Variants in MGAM observed in about 807,000 individuals in gnomAD.
MGAM encodes the protein maltase-glucoamylase, also known as alpha-1,4-glucosidase.
MGAM carries 253 observed loss-of-function variants against 358.8 expected under a neutral mutation model. That is an observed-to-expected ratio of 0.71 (90% confidence interval 0.64 to 0.78). The LOEUF is 0.78. Among genes scored for constraint, MGAM ranks in the 30% least tolerant of loss-of-function variants. The pLI is 0.00. For missense variants in MGAM, 3,080 were observed against 3,432.6 expected (o/e 0.90, Z 2.57); for synonymous variants, 1,105 against 1,227.1 (o/e 0.90, Z 2.08).
chr7:141,998,371 G>C (rs1217757674), intron 1 of MGAM, among the ~76,000 whole-genome samples: 3 of 152,094 alleles, frequency 2.0e-5, no homozygotes, highest in Non-Finnish European at 4.4e-5. Flanking sequence ...AGCCCCACAT[G>C]CATTAGGTAT....
At position 142,027,619 on chromosome 7, in the gene MGAM, C is replaced by T. The variant is rs781873643; in HGVS notation, c.1105C>T (p.Arg369Trp). 24 of 1,613,182 alleles carry T rather than the reference C, an allele frequency of 1.5e-5. No individual in the cohort carries two copies. The highest frequency in any genetic ancestry group is 1.7e-4 in the Middle Eastern group (1 of 6,052). ...CACATATTTCTTTCAGCTCATTGGG[C>T]GGCCAGCCCTTCCCTCCTACTGGGC... is the stretch of plus-strand genomic sequence containing the variant. Reference protein sequence around the residue: ...VVQEYLELIGRPALPSYWALG... With the variant: ...VVQEYLELIGWPALPSYWALG... The change falls in exon 10 of 71, where the codon CGG (arginine) becomes TGG (tryptophan). Residue 369 changes from arginine to tryptophan, a missense_variant. Physicochemically the swap from Arg to Trp is moderately radical, Grantham distance 101. This residue lies in a region of MGAM where 1,816 missense variants were observed against 1,840.5 expected (regional missense o/e 0.99). Transcript: ENST00000475668.
intron 26 of MGAM, 35 bp from the exon 27 acceptor site, chr7:142,054,719 G>A: frequency 6.2e-7 from 1 of 1,611,446 alleles, no homozygotes; most frequent in Non-Finnish European, 8.5e-7. Context: ...TTCAAGAGTA[G>A]TATTGTTGCC....
intron 21 of MGAM, among the ~76,000 whole-genome samples, chr7:142,045,583 TAC>T (rs1810169292): frequency 7.3e-5 from 8 of 109,872 alleles, no homozygotes; most frequent in Non-Finnish European, 1.3e-4. Flanking sequence ...ATATTATATA[TAC>T]ATACAATATA....
At chr7:142,041,910 TA>T (rs1563144393) in intron 21 of MGAM, among the ~76,000 whole-genome samples, 6 of 69,276 alleles carry the variant, frequency 8.7e-5, no homozygotes, top group African/African-American at 2.3e-4. Flanking sequence ...ATATATTATA[TA>T]TATACGTATA....
chr7:142,054,630 A>G, intron 26 of MGAM, 124 bp from the exon 27 acceptor site: 3 of 1,087,708 alleles, frequency 2.8e-6, no homozygotes, highest in Non-Finnish European at 3.9e-6. Flanking sequence ...ATTAAATCTC[A>G]GATATCATAA....
chr7:142,075,073 C>T (rs540965816), intron 45 of MGAM, among the ~76,000 whole-genome samples: 1 of 146,272 alleles, frequency 6.8e-6, no homozygotes, highest in African/African-American at 2.4e-5. Flanking sequence ...TTTTAGATTC[C>T]ACATATGAGT....
chr7:142,100,274 C>A (rs117480163), intron 67 of MGAM, among the ~76,000 whole-genome samples: 1 of 152,204 alleles, frequency 6.6e-6, no homozygotes, highest in South Asian at 2.1e-4. Context: ...GTACTGTTAC[C>A]ACCATTTCAT....
rs1248970291 is a variant in MGAM, at chr7:142,065,458, G to T, written c.4608G>T (p.Lys1536Asn). The change falls in exon 38 of 71, where the codon AAG (lysine) becomes AAT (asparagine). Residue 1536 changes from lysine (K) to asparagine (N), a missense_variant. Physicochemically the swap from Lys to Asn is moderately conservative, Grantham distance 94 (BLOSUM62 0). Around this residue, in one of 5 missense-constraint regions of MGAM, gnomAD observed 134 missense variants for 198.4 expected, o/e 0.68. Transcript: ENST00000475668. ...DNTAAWDQLK[K>N]SIIGMMEFSL... ...CGGCCGCATGGGATCAGCTGAAGAA[G>T]TCTATCATTGGTGCGTGGGTCCTTC... 2 of 1,611,152 alleles carry T rather than the reference G, an allele frequency of 1.2e-6. No homozygotes were observed. The highest frequency in any genetic ancestry group is 1.7e-6 in the Non-Finnish European group (2 of 1,178,848).
rs548599898 is a variant in MGAM, at chr7:142,052,073, C to T, written c.2806-221C>T. Among the ~76,000 whole-genome samples, 117 of 152,210 alleles carry T rather than the reference C, an allele frequency of 7.7e-4. 2 individuals carry two copies. The highest frequency in any genetic ancestry group is 2.6e-3 in the African/African-American group (110 of 41,536). ...ATTTGACCTAACTGTTTTCATTATGCTAAGTACAAGATTGTGCTAGAGGGG... is the reference window on the plus strand; with the variant it reads ...ATTTGACCTAACTGTTTTCATTATGTTAAGTACAAGATTGTGCTAGAGGGG... On this transcript the variant is annotated intron_variant, in intron 24 of 70. Coordinates refer to ENST00000475668, the MANE Select transcript of MGAM (RefSeq NM_001365693.1).
rs59454339 is a variant in MGAM, at chr7:142,038,433, C to T, written c.2232-98C>T. ...AATTTGGGGGGTTTGCCTGGGCAGACGGCCTGCATGCTTTCAACAGGTTGT... is the reference window on the plus strand; with the variant it reads ...AATTTGGGGGGTTTGCCTGGGCAGATGGCCTGCATGCTTTCAACAGGTTGT... On this transcript the variant is annotated intron_variant, in intron 18 of 70. Transcript: ENST00000475668. The T allele has an allele frequency of 3.8e-4, 348 of 904,078 alleles. 1 individual carries two copies. In the African/African-American group the frequency reaches 4.7e-3, roughly 12 times the overall value. The allele number at this position is 904,078 out of a possible 1,614,324, so 56.0% of individuals were successfully genotyped here.
Position 142,100,896 on chromosome 7 carries a change from TAGAGG to T in MGAM, c.7963+7_7963+11del, listed in dbSNP as rs1816385273. ...GGATGATGGGCAAAGCATTGGTGAG[TAGAGG>T]TTGCCTGAGATTCATGCTGATGGCA... On this transcript the variant is annotated splice_region_variant and intron_variant, in intron 68 of 70. Coordinates refer to ENST00000475668, the MANE Select transcript of MGAM (RefSeq NM_001365693.1). 1 of 1,611,522 alleles carries T rather than the reference TAGAGG, an allele frequency of 6.2e-7. No homozygotes were observed. The highest frequency in any genetic ancestry group is 1.1e-5 in the South Asian group (1 of 90,300).
rs1364751189 is a variant in MGAM at position 142,038,925 on chromosome 7, A to G, written c.2316+310A>G. On this transcript the variant is annotated intron_variant, in intron 19 of 70. Transcript: ENST00000475668. ...ATTCCTGACACTGAGTGATTTACAA[A>G]GAAAAGAGATTTCATTGGCTCACAG... 1.6e-4 allele frequency among the ~76,000 whole-genome samples: 25 copies of G among 152,246 alleles called. No homozygotes were observed. In the East Asian group the frequency reaches 4.6e-3, roughly 28 times the overall value.
intron 14 of MGAM, 44 bp downstream of exon 14, chr7:142,032,953 C>T (rs1554464372): frequency 7.6e-7 from 1 of 1,323,170 alleles, no homozygotes; most frequent in Non-Finnish European, 1.1e-6. Context: ...ATATGTATTT[C>T]ATATTATAAA....
chr7:142,017,892 A>G (rs2128992610), intron 3 of MGAM, among the ~76,000 whole-genome samples: 1 of 152,332 alleles, frequency 6.6e-6, no homozygotes, highest in African/African-American at 2.4e-5. Context: ...GTATAGAAAA[A>G]AAAGAAATGG....
In MGAM at chr7:142,046,211, T is replaced by C. The variant is rs571584291; in HGVS notation, c.2499-1574T>C. Among the ~76,000 whole-genome samples, 5 of 150,400 alleles carry C rather than the reference T, an allele frequency of 3.3e-5. No individual in the cohort carries two copies. The South Asian group carries it at 1.0e-3, about 31-fold the overall frequency. On this transcript the variant is annotated intron_variant, in intron 21 of 70. Transcript: ENST00000475668. ...TCCTTAGATGATTTTGTCTTTCTTC[T>C]TTAATACTGTTAGTATTTCAAGAAC...
rs1815827003 is a variant in MGAM, at chr7:142,095,569, A to G, written c.7463A>G (p.Gln2488Arg). 1.9e-6 allele frequency: 3 copies of G among 1,613,226 alleles called. No individual in the cohort carries two copies. Among genetic ancestry groups the G allele is most frequent in the African/African-American group, 1.3e-5 (1 of 74,916 alleles). Residue 2488 changes from glutamine (Q) to arginine (R), a missense_variant, in exon 64 of 71, where the codon CAA becomes CGA. Gln to Arg is a conservative substitution (Grantham distance 43, BLOSUM62 1). Transcript: ENST00000475668. ...RNHNTIGTRR[Q>R]DPVSWDVAFV... ...ACTGTTCTCTTTCTCCTTTAGAGAC[A>G]AGACCCTGTGTCCTGGGATGTTGCT...
At chr7:142,048,326 G>T (rs1585006720) in intron 22 of MGAM, among the ~76,000 whole-genome samples, 1 of 151,148 alleles carries the variant, frequency 6.6e-6, no homozygotes, top group African/African-American at 2.4e-5. Context: ...TTTTTTGTAT[G>T]TTTAGTAGAG....
At chr7:142,095,429 A>T (rs1815809854) in intron 63 of MGAM, 136 bp from the exon 64 acceptor site, 20 of 1,241,802 alleles carry the variant, frequency 1.6e-5, no homozygotes, top group East Asian at 2.5e-5. Context: ...TATTAAGAAT[A>T]TTCTCTGGGC....
rs745514815 is a variant in MGAM, at chr7:142,082,179, G to C, written c.6140G>C (p.Trp2047Ser). The C allele has an allele frequency of 3.1e-5, 48 of 1,554,878 alleles. 8 individuals carry two copies. Among genetic ancestry groups the C allele is most frequent in the Non-Finnish European group, 3.9e-5 (44 of 1,132,232 alleles). Reference sequence around the variant, plus strand: ...AGGAGAGACTTGGAGTGGCACACTTGGGGGATGTTCTCCCGAGACCAGCCC... The same window carrying C: ...AGGAGAGACTTGGAGTGGCACACTTCGGGGATGTTCTCCCGAGACCAGCCC... ...SYRRDLEWHT[W>S]GMFSRDQPPG... The change falls in exon 51 of 71, where the codon TGG (tryptophan) becomes TCG (serine). Residue 2047 changes from tryptophan to serine, a missense_variant. Trp to Ser is a radical substitution (Grantham distance 177). Coordinates refer to ENST00000475668, the MANE Select transcript of MGAM (RefSeq NM_001365693.1).
Sources: allele counts gnomAD v4.1 joint callset (sites outside exome capture counted in the v4.1 genomes callset), GRCh38; gene constraint gnomAD v4.1.1; regional missense constraint gnomAD v4.1.1; transcripts MANE v1.5; gene names NCBI Gene and HGNC (gene_info 2026-07-23, HGNC 2026-07-21).